The following NEDD4 variants were observed in gnomAD, a reference collection of about 807,000 sequenced individuals.
The protein encoded by NEDD4 is NEDD4 E3 ubiquitin protein ligase.
NEDD4 carries 99 observed loss-of-function variants against 144.9 expected under a neutral mutation model. That is an observed-to-expected ratio of 0.68 (90% CI 0.58 to 0.81). The LOEUF (loss-of-function observed/expected upper bound fraction) is 0.81, where lower values mean the gene tolerates loss of function less well. NEDD4 is among the 30% of genes least tolerant of loss of function. The pLI, the probability that NEDD4 is intolerant of heterozygous loss-of-function variation, is 0.00. For missense variants in NEDD4, 985 were observed against 1,065.9 expected (o/e 0.92, Z 1.06); for synonymous variants, 318 against 350.6 (o/e 0.91, Z 1.04).
At chr15:55,985,585 T>C (rs1241614000) in intron 1 of NEDD4, among the ~76,000 whole-genome samples, 1 of 152,096 alleles carries the variant, frequency 6.6e-6, no homozygotes, top group East Asian at 1.9e-4. Flanking sequence ...ATAATAAAAG[T>C]CAAATTTTTT....
intron 1 of NEDD4, among the ~76,000 whole-genome samples, chr15:55,967,121 G>A (rs577740135): frequency 1.3e-5 from 2 of 152,272 alleles, no homozygotes; most frequent in Non-Finnish European, 2.9e-5. Context: ...CTGACCTCAG[G>A]TGATCTGCCT....
intron 1 of NEDD4, among the ~76,000 whole-genome samples, chr15:55,972,471 T>C (rs1302815724): frequency 6.6e-6 from 1 of 152,178 alleles, no homozygotes; most frequent in Non-Finnish European, 1.5e-5. Flanking sequence ...AAATAATGCA[T>C]TGTAAGATGT....
At chr15:55,837,286 C>T (rs2033252005) in intron 24 of NEDD4, among the ~76,000 whole-genome samples, 1 of 151,830 alleles carries the variant, frequency 6.6e-6, no homozygotes, top group African/African-American at 2.4e-5. Flanking sequence ...AAAAATTAGC[C>T]AGGCGTGGTG....
intron 5 of NEDD4, among the ~76,000 whole-genome samples, chr15:55,898,590 T>C (rs1401218193): frequency 1.3e-5 from 2 of 151,922 alleles, no homozygotes; most frequent in African/African-American, 4.8e-5. Context: ...TATCAGAAGT[T>C]GGGATAATAT....
At chr15:55,951,266 G>C (rs912417321) in intron 4 of NEDD4, 110 bp downstream of exon 4, 16 of 536,150 alleles carry the variant, frequency 3.0e-5, no homozygotes, top group African/African-American at 2.8e-4. Flanking sequence ...CACAACTTTA[G>C]GCAAATTCTG....
intron 5 of NEDD4, among the ~76,000 whole-genome samples, chr15:55,900,173 G>A (rs1445343692): frequency 6.6e-6 from 1 of 152,078 alleles, no homozygotes; most frequent in Admixed American, 6.6e-5. Flanking sequence ...GAAAGGAGGA[G>A]GAACCAGAGC....
intron 2 of NEDD4, among the ~76,000 whole-genome samples, chr15:55,963,341 AGG>A (rs1473867262): frequency 6.6e-6 from 1 of 152,076 alleles, no homozygotes; most frequent in East Asian, 1.9e-4. Context: ...TTTGTTGCCC[AGG>A]CTGGTCTTGA....
At chr15:55,947,287 A>T (rs2037134148) in intron 4 of NEDD4, among the ~76,000 whole-genome samples, 1 of 152,130 alleles carries the variant, frequency 6.6e-6, no homozygotes, top group African/African-American at 2.4e-5. Flanking sequence ...GAAAAGAGAG[A>T]AGAATCAAAT....
chr15:55,960,307 A>G (rs570928170), intron 2 of NEDD4, among the ~76,000 whole-genome samples: 2 of 152,336 alleles, frequency 1.3e-5, no homozygotes, highest in East Asian at 1.9e-4. Context: ...CACACCCTCA[A>G]TCTGGGTGGG....
intron 1 of NEDD4, among the ~76,000 whole-genome samples, chr15:55,986,631 C>G (rs572131566): frequency 7.2e-6 from 1 of 138,136 alleles, no homozygotes. Context: ...GCTCCGTCGC[C>G]GAGGCTGGAG....
chr15:55,895,637 G>C (rs561977781), intron 5 of NEDD4, among the ~76,000 whole-genome samples: 15 of 152,302 alleles, frequency 9.8e-5, no homozygotes, highest in African/African-American at 3.6e-4. Flanking sequence ...TCTACCCCTA[G>C]AATTTCTGAT....
intron 4 of NEDD4, among the ~76,000 whole-genome samples, chr15:55,945,209 C>G (rs1489892284): frequency 1.3e-5 from 2 of 152,134 alleles, no homozygotes; most frequent in South Asian, 4.1e-4. Flanking sequence ...TAAAAACAAA[C>G]TTCTCCAAGC....
In NEDD4 at chr15:55,940,518, T is replaced by TTCTCTCTCTCTCTCTCTC. The variant is rs60338644; in HGVS notation, c.237+10840_237+10857dup. On this transcript the variant is annotated intron_variant, in intron 4 of 28. Transcript: ENST00000435532. ...CTCCTTCCTCCTTCCCTCCTCCCCC[T>TTCTCTCTCTCTCTCTCTC]TCTCTCTCTCTCTCTCTCTCTCTCT... Among the ~76,000 whole-genome samples, 428 of 106,246 alleles carry TTCTCTCTCTCTCTCTCTC rather than the reference T, an allele frequency of 4.0e-3. 15 individuals carry two copies. Among genetic ancestry groups the TTCTCTCTCTCTCTCTCTC allele is most frequent in the East Asian group, 0.033 (108 of 3,276 alleles). 69.7% of individuals were successfully genotyped at this position (106,246 alleles called of 152,430 possible).
intron 5 of NEDD4, among the ~76,000 whole-genome samples, chr15:55,917,322 A>C (rs2036480463): frequency 6.6e-6 from 1 of 152,154 alleles, no homozygotes; most frequent in African/African-American, 2.4e-5. Flanking sequence ...TTTGCCCACT[A>C]ATATTTTTAC....
At chr15:55,930,453 T>G (rs1214446506) in intron 4 of NEDD4, among the ~76,000 whole-genome samples, 2 of 152,206 alleles carry the variant, frequency 1.3e-5, no homozygotes, top group Non-Finnish European at 1.5e-5. Context: ...GAATTCTGAT[T>G]GAGAAGAACA....
In NEDD4 at chr15:55,860,471, T is replaced by G. The variant is rs757278017; in HGVS notation, c.896A>C (p.Glu299Ala). Residue 299 changes from glutamate (E) to alanine (A), a missense_variant, in exon 11 of 29, where the codon GAA becomes GCA. Glu to Ala is a moderately radical substitution (Grantham distance 107). Transcript: ENST00000435532. The part of the protein sequence containing the change: ...SNLDVPTHLA[E>A]ELNARLTIFG... ...AATGGTGAGTCTGGCATTCAATTCT[T>G]CTGCAAGATGAGTTGGAACATCCAA... 5 of 1,614,184 alleles carry G rather than the reference T, an allele frequency of 3.1e-6. No individual in the cohort carries two copies. Among genetic ancestry groups the G allele is most frequent in the Non-Finnish European group, 4.2e-6 (5 of 1,180,012 alleles).
intron 1 of NEDD4, among the ~76,000 whole-genome samples, chr15:55,985,428 G>C (rs990527285): frequency 6.6e-6 from 1 of 152,194 alleles, no homozygotes; most frequent in Non-Finnish European, 1.5e-5. Context: ...AGGGGAGGAC[G>C]GCGTTGCACA....
intron 1 of NEDD4, among the ~76,000 whole-genome samples, chr15:55,983,825 G>A (rs2037846504): frequency 6.6e-6 from 1 of 151,942 alleles, no homozygotes; most frequent in Non-Finnish European, 1.5e-5. Flanking sequence ...TGGCCAGGCT[G>A]GTCTCGAACT....
intron 5 of NEDD4, among the ~76,000 whole-genome samples, chr15:55,902,015 G>A (rs541428728): frequency 1.3e-5 from 2 of 152,254 alleles, no homozygotes; most frequent in Non-Finnish European, 2.9e-5. Flanking sequence ...GCCTAGGAAT[G>A]AGTAAGGTAG....
Sources: gnomAD v4.1 joint callset for allele counts (sites outside exome capture counted in the v4.1 genomes callset) on GRCh38, gnomAD v4.1.1 for gene constraint, MANE v1.5 for transcripts, NCBI Gene and HGNC (gene_info 2026-07-23, HGNC 2026-07-21) for gene names.